The following FOXN3 variants were observed in gnomAD, a reference collection of about 807,000 sequenced individuals.
FOXN3 encodes forkhead box protein N3.
In FOXN3, 7 loss-of-function variants were observed where a neutral mutation model predicts 38.4. The ratio of observed to expected loss-of-function variants is 0.18; its 90% CI spans 0.10 to 0.34. The LOEUF is 0.34. FOXN3 is among the 10% of genes least tolerant of loss of function. The pLI is 1.00. For synonymous variants in FOXN3, 230 were observed against 242.2 expected (o/e 0.95, Z 0.47); for missense variants, 456 against 613.4 (o/e 0.74, Z 2.71).
intron 4 of FOXN3, among the ~76,000 whole-genome samples, chr14:89,218,578 T>G (rs1220770612): frequency 6.6e-6 from 1 of 152,252 alleles, no homozygotes; most frequent in Admixed American, 6.5e-5. Context: ...ATGATAAGTT[T>G]TGTCTTCTAT....
At position 89,446,349 on chromosome 14, in the gene FOXN3, C is replaced by T. The variant is rs1033966568; in HGVS notation, c.-14-33859G>A. On this transcript the variant is annotated intron_variant, in intron 1 of 6. Transcript: ENST00000345097. ...GATTACAGGCATGCGCCACCACGCT[C>T]GGCTAATTTTTGTGTTTTTGGTAGA... Among the ~76,000 whole-genome samples the T allele has an allele frequency of 7.2e-5, 11 of 151,738 alleles. No homozygotes were observed. The East Asian group carries it at 2.1e-3, about 30-fold the overall frequency.
At chr14:89,374,980 A>G (rs1282510368) in intron 2 of FOXN3, among the ~76,000 whole-genome samples, 4 of 120,226 alleles carry the variant, frequency 3.3e-5, no homozygotes, top group Non-Finnish European at 7.0e-5. Flanking sequence ...CCGTCTCAGA[A>G]AAAAAAAAAA....
rs576883864 is a variant in FOXN3, at chr14:89,446,087, CAAAAAAAAAA to C, written c.-14-33607_-14-33598del. Among the ~76,000 whole-genome samples, 7 of 40,118 alleles carry C rather than the reference CAAAAAAAAAA, an allele frequency of 1.7e-4. 1 individual carries two copies. Among genetic ancestry groups the C allele is most frequent in the East Asian group, 1.6e-3 (2 of 1,288 alleles). The allele number at this position is 40,118 out of a possible 152,430, so 26.3% of individuals were successfully genotyped here. ...TGGGTAACAGAGCGAGACCCTGCCT[CAAAAAAAAAA>C]AAAAAAAAAAAAAATTTTAAGGAAG... On this transcript the variant is annotated intron_variant, in intron 1 of 6. Transcript: ENST00000345097.
chr14:89,475,813 T>C, intron 1 of FOXN3, among the ~76,000 whole-genome samples: 1 of 152,204 alleles, frequency 6.6e-6, no homozygotes, highest in East Asian at 1.9e-4. Flanking sequence ...AAGAATCATA[T>C]AGTCTTCAAA....
chr14:89,251,361 C>T (rs891072460), intron 4 of FOXN3, among the ~76,000 whole-genome samples: 1 of 152,220 alleles, frequency 6.6e-6, no homozygotes, highest in Non-Finnish European at 1.5e-5. Flanking sequence ...TCCACCAGGT[C>T]CCCTAATTCT....
At chr14:89,296,736 A>G (rs1184347683) in intron 3 of FOXN3, among the ~76,000 whole-genome samples, 1 of 152,198 alleles carries the variant, frequency 6.6e-6, no homozygotes, top group Admixed American at 6.5e-5. Flanking sequence ...CCTGGGCTCA[A>G]GCGATTCTCC....
chr14:89,318,798 C>T (rs1887811081), intron 3 of FOXN3, among the ~76,000 whole-genome samples: 1 of 152,260 alleles, frequency 6.6e-6, no homozygotes, highest in African/African-American at 2.4e-5. Flanking sequence ...GTTCTCCCTG[C>T]CTTCCTGCAC....
At chr14:89,546,138 G>T (rs1894875420) in intron 1 of FOXN3, among the ~76,000 whole-genome samples, 1 of 152,106 alleles carries the variant, frequency 6.6e-6, no homozygotes, top group Non-Finnish European at 1.5e-5. Flanking sequence ...CCAAGATGTA[G>T]AAAGAAGAAC....
chr14:89,301,970 C>A (rs554027265), intron 3 of FOXN3, among the ~76,000 whole-genome samples: 1 of 152,108 alleles, frequency 6.6e-6, no homozygotes, highest in Non-Finnish European at 1.5e-5. Context: ...CTGTACCAAC[C>A]TTTTCCTTGC....
chr14:89,370,269 T>G (rs906615444), intron 2 of FOXN3, among the ~76,000 whole-genome samples: 4 of 152,190 alleles, frequency 2.6e-5, no homozygotes, highest in African/African-American at 9.7e-5. Context: ...GTGAAGGAAT[T>G]TGAGATTATT....
In FOXN3 at chr14:89,333,942, AAATT is replaced by A. The variant is rs1175015400; in HGVS notation, c.680+16726_680+16729del. On this transcript the variant is annotated intron_variant, in intron 3 of 5. Transcript: ENST00000557258. ...ACAACCAAAGTGTCCACTGACAGATAAATTAATGAAGAAAATGTGGTGTGTATAT... is the reference window on the plus strand; with the variant it reads ...ACAACCAAAGTGTCCACTGACAGATAAATGAAGAAAATGTGGTGTGTATAT... Among the ~76,000 whole-genome samples, 12 of 147,742 alleles carry A rather than the reference AAATT, an allele frequency of 8.1e-5. No homozygotes were observed. In the East Asian group the frequency reaches 1.2e-3, roughly 15 times the overall value.
intron 2 of FOXN3, chr14:89,409,226 GT>G (rs1429910614): frequency 3.3e-5 from 5 of 152,174 alleles, no homozygotes; most frequent in Non-Finnish European, 7.3e-5. Context: ...AGAACTGAAT[GT>G]TTCATAACAT....
At chr14:89,231,522 A>G (rs1324815682) in intron 4 of FOXN3, among the ~76,000 whole-genome samples, 2 of 152,086 alleles carry the variant, frequency 1.3e-5, no homozygotes, top group Non-Finnish European at 2.9e-5. Context: ...CTATGGAGGG[A>G]AGGGCAGAGT....
At chr14:89,263,569 T>C (rs1319653275) in intron 4 of FOXN3, 2 of 152,242 alleles carry the variant, frequency 1.3e-5, no homozygotes, top group East Asian at 3.8e-4. Flanking sequence ...TTTGATAAAA[T>C]CTATGACAAT....
chr14:89,220,627 C>T (rs1054425476), intron 4 of FOXN3, among the ~76,000 whole-genome samples: 7 of 152,084 alleles, frequency 4.6e-5, no homozygotes, highest in East Asian at 1.9e-4. Context: ...GGGAAGAGAG[C>T]GGTGGCCATG....
chr14:89,378,059 CT>C (rs1890534769), intron 2 of FOXN3, among the ~76,000 whole-genome samples: 1 of 152,202 alleles, frequency 6.6e-6, no homozygotes, highest in South Asian at 2.1e-4. Context: ...AAATAAATTC[CT>C]TTTATTAAGC....
intron 1 of FOXN3, among the ~76,000 whole-genome samples, chr14:89,524,404 G>GAAAAAAAAA (rs1894391517): frequency 3.9e-5 from 1 of 25,600 alleles, no homozygotes; most frequent in Non-Finnish European, 6.1e-5. Flanking sequence ...AAAAAAAAAA[G>GAAAAAAAAA]AAAGAAAGAA....
chr14:89,174,658 T>G (rs1247327474), intron 5 of FOXN3, among the ~76,000 whole-genome samples: 2 of 152,192 alleles, frequency 1.3e-5, no homozygotes, highest in Non-Finnish European at 2.9e-5. Flanking sequence ...TCTAGAATGT[T>G]GATCAAATTT....
At chr14:89,344,863 A>C (rs1888717573) in intron 3 of FOXN3, among the ~76,000 whole-genome samples, 1 of 152,202 alleles carries the variant, frequency 6.6e-6, no homozygotes. Flanking sequence ...CATATTCTTT[A>C]ATGAGAAATG....
Sources: allele counts gnomAD v4.1 joint callset (sites outside exome capture counted in the v4.1 genomes callset), GRCh38; gene constraint gnomAD v4.1.1; transcripts MANE v1.5; gene names NCBI Gene and HGNC (gene_info 2026-07-23, HGNC 2026-07-21).